The following PTPRR variants were observed in gnomAD, a reference collection of about 807,000 sequenced individuals.
PTPRR encodes the protein receptor-type tyrosine-protein phosphatase R.
A neutral mutation model predicts 77.2 loss-of-function variants in PTPRR; 38 were observed. The ratio of observed to expected loss-of-function variants is 0.49; its 90% CI spans 0.38 to 0.65. The LOEUF is 0.65. Among genes scored for constraint, PTPRR ranks in the 30% least tolerant of loss-of-function variants. PTPRR has a pLI of 0.00. For missense variants in PTPRR, 744 were observed against 799.2 expected (o/e 0.93, Z 0.83); for synonymous variants, 299 against 283.1 (o/e 1.06, Z -0.57).
chr12:70,723,875 T>G (rs1889344579), intron 6 of PTPRR, among the ~76,000 whole-genome samples: 1 of 152,154 alleles, frequency 6.6e-6, no homozygotes. Flanking sequence ...TACAGAAACT[T>G]GTTAAGCACC....
chr12:70,895,298 C>T (rs1238877958), intron 1 of PTPRR, among the ~76,000 whole-genome samples: 1 of 151,596 alleles, frequency 6.6e-6, no homozygotes, highest in Non-Finnish European at 1.5e-5. Context: ...GAGTAAATTA[C>T]ACAAATATCT....
At chr12:70,669,414 A>G (rs903660727) in intron 10 of PTPRR, among the ~76,000 whole-genome samples, 4 of 151,804 alleles carry the variant, frequency 2.6e-5, no homozygotes, top group Non-Finnish European at 2.9e-5. Flanking sequence ...GAACACTTAA[A>G]TATATCTTCC....
intron 10 of PTPRR, among the ~76,000 whole-genome samples, chr12:70,683,858 A>T (rs2136732549): frequency 6.6e-6 from 1 of 152,350 alleles, no homozygotes; most frequent in South Asian, 2.1e-4. Context: ...TTATCTGCTT[A>T]TAAATTAGGG....
chr12:70,908,390 C>T (rs1286583080), intron 1 of PTPRR, among the ~76,000 whole-genome samples: 1 of 152,080 alleles, frequency 6.6e-6, no homozygotes, highest in Non-Finnish European at 1.5e-5. Flanking sequence ...CACAGTTCCG[C>T]GTGGCTGGGA....
chr12:70,831,569 C>G (rs181871673), intron 2 of PTPRR, among the ~76,000 whole-genome samples: 1 of 152,290 alleles, frequency 6.6e-6, no homozygotes, highest in East Asian at 1.9e-4. Flanking sequence ...TGGCTTCATT[C>G]TGGGTGAAGT....
intron 2 of PTPRR, among the ~76,000 whole-genome samples, chr12:70,794,963 T>G (rs141112729): frequency 1.2e-3 from 179 of 152,184 alleles, no homozygotes; most frequent in African/African-American, 4.2e-3. Context: ...TTCTAGAGAT[T>G]CAGGGTGGGA....
In PTPRR at chr12:70,716,106, G is replaced by A. The variant is rs144284779; in HGVS notation, c.1008-14783C>T. Among the ~76,000 whole-genome samples the A allele has an allele frequency of 1.8e-4, 27 of 152,222 alleles. No homozygotes were observed. In the East Asian group the frequency reaches 5.0e-3, roughly 28 times the overall value. On this transcript the variant is annotated intron_variant, in intron 6 of 13. Coordinates refer to ENST00000283228, the MANE Select transcript of PTPRR (RefSeq NM_002849.4). ...TGCCAAGGCTTCAGCCGGTCCCTCCGTTTGGGGTCCCTGACTTCCCGCAAC... is the reference window on the plus strand; with the variant it reads ...TGCCAAGGCTTCAGCCGGTCCCTCCATTTGGGGTCCCTGACTTCCCGCAAC...
At chr12:70,862,766 T>G (rs1892776254) in intron 2 of PTPRR, among the ~76,000 whole-genome samples, 1 of 151,726 alleles carries the variant, frequency 6.6e-6, no homozygotes, top group Admixed American at 6.6e-5. Context: ...AAAAGGGAAC[T>G]AAGGTGGTTA....
intron 6 of PTPRR, among the ~76,000 whole-genome samples, chr12:70,735,794 T>G (rs1407507444): frequency 6.6e-6 from 1 of 152,202 alleles, no homozygotes; most frequent in Non-Finnish European, 1.5e-5. Flanking sequence ...ACTGCCTGCC[T>G]CCAGGATGTT....
intron 2 of PTPRR, among the ~76,000 whole-genome samples, chr12:70,812,420 C>A (rs559112351): frequency 4.5e-4 from 68 of 152,290 alleles, no homozygotes; most frequent in Admixed American, 2.9e-3. Flanking sequence ...CCCAGGTGGA[C>A]TACTCGTGAA....
At chr12:70,811,384 G>A (rs1369487468) in intron 2 of PTPRR, among the ~76,000 whole-genome samples, 1 of 152,186 alleles carries the variant, frequency 6.6e-6, no homozygotes, top group Non-Finnish European at 1.5e-5. Context: ...TTTGTAGTCT[G>A]GCTGGTTAAA....
At chr12:70,796,497 C>T (rs1445455119) in intron 2 of PTPRR, among the ~76,000 whole-genome samples, 2 of 152,086 alleles carry the variant, frequency 1.3e-5, no homozygotes, top group Non-Finnish European at 2.9e-5. Flanking sequence ...GTACTTTTAT[C>T]AGTGCTAAAG....
chr12:70,661,521 T>C (rs764435690), intron 11 of PTPRR, among the ~76,000 whole-genome samples: 23 of 152,138 alleles, frequency 1.5e-4, no homozygotes, highest in Non-Finnish European at 2.6e-4. Context: ...TTCATATCAG[T>C]CATGCTAATA....
At chr12:70,661,348 A>G (rs1886793268) in intron 11 of PTPRR, 1 of 415,090 alleles carries the variant, frequency 2.4e-6, no homozygotes, top group African/African-American at 2.0e-5. Context: ...TATAATATAG[A>G]TCATATAAGT....
chr12:70,885,372 C>T (rs1313387239), intron 2 of PTPRR, among the ~76,000 whole-genome samples: 1 of 152,056 alleles, frequency 6.6e-6, no homozygotes, highest in Admixed American at 6.6e-5. Context: ...TACAATGATA[C>T]TTAACGACTT....
intron 2 of PTPRR, among the ~76,000 whole-genome samples, chr12:70,782,202 C>G (rs1051689883): frequency 1.3e-5 from 2 of 152,030 alleles, no homozygotes; most frequent in Admixed American, 6.6e-5. Context: ...AGCCTGAGCA[C>G]AGCTTAACAA....
intron 2 of PTPRR, among the ~76,000 whole-genome samples, chr12:70,868,751 A>G (rs1892906218): frequency 6.6e-6 from 1 of 152,144 alleles, no homozygotes; most frequent in South Asian, 2.1e-4. Flanking sequence ...TGTTGATTGC[A>G]GCACTATTCA....
chr12:70,827,605 G>T (rs151208041), intron 2 of PTPRR, among the ~76,000 whole-genome samples: 112 of 151,066 alleles, frequency 7.4e-4, no homozygotes, highest in Non-Finnish European at 1.2e-3. Flanking sequence ...GAGGGCAGTG[G>T]CATGATCTCG....
chr12:70,820,626 C>T (rs904489049), intron 2 of PTPRR, among the ~76,000 whole-genome samples: 10 of 152,240 alleles, frequency 6.6e-5, no homozygotes, highest in African/African-American at 2.2e-4. Context: ...AGCCACTGCG[C>T]CCAGCCACTG....
Sources: allele counts gnomAD v4.1 joint callset (sites outside exome capture counted in the v4.1 genomes callset), GRCh38; gene constraint gnomAD v4.1.1; transcripts MANE v1.5; gene names NCBI Gene and HGNC (gene_info 2026-07-23, HGNC 2026-07-21).